Variants in OFD1 observed in about 807,000 individuals in gnomAD.
OFD1 encodes centriole and centriolar satellite protein OFD1.
A neutral mutation model predicts 81.4 loss-of-function variants in OFD1; 12 were observed. That is an observed-to-expected ratio of 0.15 (90% CI 0.09 to 0.24). OFD1 has a LOEUF of 0.24. OFD1 is among the 10% of genes least tolerant of loss of function. OFD1 has a pLI of 1.00. For missense variants in OFD1, 685 were observed against 733.9 expected (o/e 0.93, Z 0.77); for synonymous variants, 256 against 263.7 (o/e 0.97, Z 0.28).
chrX:13,738,942 C>G (rs1569107256), intron 4 of OFD1, 28 bp downstream of exon 4: 2 of 1,176,109 alleles, frequency 1.7e-6, no homozygotes, highest in Admixed American at 2.2e-5. Context: ...CTGTAATCTA[C>G]TTTGGTTTGT....
chrX:13,763,678 A>G (rs1374896949), intron 18 of OFD1, 67 bp from the exon 19 acceptor site: 2 of 898,285 alleles, frequency 2.2e-6, no homozygotes, highest in Non-Finnish European at 3.3e-6. Context: ...TTGCCCCCAC[A>G]CTGCACTGCC....
At chrX:13,726,300 G>A in the OFD1 span, among the ~76,000 whole-genome samples, 737 of 111,285 alleles carry the variant, frequency 6.6e-3, 4 homozygotes, top group African/African-American at 0.023. Flanking sequence ...CCCAAGACAC[G>A]TAATTGTCAG....
rs1019152705 is a variant in OFD1, at chrX:13,758,117, G to T, written c.1543-220G>T. ...ACTGTCTTCTGATTTCTGCCTGCAT[G>T]CCCTAGAGTTCTTTGATATGACTGA... On this transcript the variant is annotated intron_variant, in intron 14 of 22. Transcript: ENST00000340096. Among the ~76,000 whole-genome samples the T allele has an allele frequency of 4.5e-5, 5 of 110,629 alleles. No homozygotes were observed. In the Admixed American group the frequency reaches 4.8e-4, roughly 11 times the overall value.
chrX:13,722,084 G>A, the OFD1 span: 2 of 108,879 alleles, frequency 1.8e-5, no homozygotes, highest in East Asian at 5.7e-4. Flanking sequence ...TGAAGGGAAG[G>A]ACAGGGAGTT....
At chrX:13,746,241 C>G (rs2047291735) in intron 6 of OFD1, 78 bp from the exon 7 acceptor site, 1 of 953,890 alleles carries the variant, frequency 1.0e-6, no homozygotes, top group Non-Finnish European at 1.5e-6. Flanking sequence ...ATCCTCTTTA[C>G]TTTTGAACCA....
rs2046872548 is a variant in OFD1, at chrX:13,736,492, C to T, written c.126C>T (p.Asn42=). The T allele has an allele frequency of 1.7e-6, 2 of 1,210,655 alleles. No homozygotes were observed. Among genetic ancestry groups the T allele is most frequent in the African/African-American group, 1.7e-5 (1 of 57,751 alleles). The change falls in exon 3 of 23, where the codon AAC becomes AAT. Residue 42 remains asparagine (N), a synonymous_variant. Transcript: ENST00000340096. ...TTTTATGCTAGACACAACTTCGAAA[C>T]CAGCTAATTCATGAGTTGATGCACC... ...ILDTLKTQLR[N]QLIHELMHPV...
intron 5 of OFD1, 127 bp from the exon 6 acceptor site, chrX:13,744,288 T>C: frequency 2.2e-6 from 1 of 462,253 alleles, no homozygotes; most frequent in Non-Finnish European, 3.9e-6. Context: ...GCAAGACTTT[T>C]GTCTCTAAAA....
At chrX:13,734,734 C>G, upstream of OFD1, 1 of 1,020,926 alleles carries the variant, frequency 9.8e-7, no homozygotes, top group Non-Finnish European at 1.2e-6. Context: ...TAGCAGGTTT[C>G]CGGAAGTTGC....
At chrX:13,716,123 T>C in the OFD1 span, 1 of 1,156,285 alleles carries the variant, frequency 8.6e-7, no homozygotes, top group Non-Finnish European at 1.2e-6. Context: ...TTCTTAGAAA[T>C]GAAAAACAAA....
At chrX:13,737,461 A>G (rs2046917100) in intron 3 of OFD1, among the ~76,000 whole-genome samples, 1 of 108,811 alleles carries the variant, frequency 9.2e-6, no homozygotes, top group Non-Finnish European at 1.9e-5. Flanking sequence ...GAGAATTCCC[A>G]TATACCTGCT....
chrX:13,751,130 C>T, intron 9 of OFD1, 119 bp from the exon 10 acceptor site: 1 of 640,632 alleles, frequency 1.6e-6, no homozygotes, highest in Non-Finnish European at 2.4e-6. Context: ...CTTCTACTTC[C>T]CAGTAGTGAT....
chrX:13,762,306 A>G lies in OFD1; in HGVS notation c.2388-38A>G, dbSNP rs140196295. The G allele has an allele frequency of 6.3e-4, 581 of 922,900 alleles. 1 individual carries two copies. In the African/African-American group the frequency reaches 9.4e-3, roughly 15 times the overall value. 76.1% of individuals were successfully genotyped at this position (922,900 alleles called of 1,213,427 possible). On this transcript the variant is annotated intron_variant, in intron 17 of 22. Coordinates refer to ENST00000340096, the MANE Select transcript of OFD1 (RefSeq NM_003611.3). Reference sequence around the variant, plus strand: ...GTCACCTTGTACTCTTTGGTTTTCCATTATTGAAACTTCACGAGTTTTATC... The same window carrying G: ...GTCACCTTGTACTCTTTGGTTTTCCGTTATTGAAACTTCACGAGTTTTATC...
At chrX:13,743,435 G>A (rs2047182567) in intron 5 of OFD1, among the ~76,000 whole-genome samples, 1 of 112,287 alleles carries the variant, frequency 8.9e-6, no homozygotes, top group South Asian at 3.7e-4. Flanking sequence ...TATGTGCAGT[G>A]TGCACCCTTT....
In OFD1 at chrX:13,761,077, C is replaced by T. The variant is rs374969350; in HGVS notation, c.2261-8C>T. 2 of 1,209,362 alleles carry T rather than the reference C, an allele frequency of 1.7e-6. No homozygotes were observed. Among genetic ancestry groups the T allele is most frequent in the African/African-American group, 3.5e-5 (2 of 57,084 alleles). On this transcript the variant is annotated splice_polypyrimidine_tract_variant and splice_region_variant and intron_variant, in intron 16 of 22. Coordinates refer to ENST00000340096, the MANE Select transcript of OFD1 (RefSeq NM_003611.3). ...AATATTCTTGCCTTGGTTCTTTCTG[C>T]ACCTTAGGTCTGGGCAGATCACACA...
chrX:13,749,157 A>G (rs1330485432), intron 8 of OFD1, among the ~76,000 whole-genome samples: 1 of 109,043 alleles, frequency 9.2e-6, no homozygotes, highest in Non-Finnish European at 1.9e-5. Context: ...TAGATAAGGG[A>G]CTGAGAGATG....
chrX:13,753,207 G>C, intron 10 of OFD1, 161 bp from the exon 11 acceptor site: 1 of 1,086,940 alleles, frequency 9.2e-7, no homozygotes, highest in Non-Finnish European at 1.2e-6. Context: ...TTTATGTTCA[G>C]GGGTTATATC....
In OFD1 at chrX:13,744,591, C is replaced by T; in HGVS notation, c.517+72C>T. The T allele has an allele frequency of 4.4e-6, 3 of 682,370 alleles. No individual in the cohort carries two copies. In the South Asian group the frequency reaches 6.7e-5, roughly 15 times the overall value. 56.2% of individuals were successfully genotyped at this position (682,370 alleles called of 1,213,427 possible). On this transcript the variant is annotated intron_variant, in intron 6 of 22. Transcript: ENST00000340096. ...TGAATGAAGGAAATTATCTGATTTA[C>T]CATATTGTGTGATTGCTCCTTGAAC...
upstream of OFD1, among the ~76,000 whole-genome samples, chrX:13,733,594 A>G (rs1356459240): frequency 8.9e-6 from 1 of 111,900 alleles, no homozygotes; most frequent in Non-Finnish European, 1.9e-5. Flanking sequence ...TCACAGCCAG[A>G]GATCAAAACT....
chrX:13,772,858 G>C, downstream of OFD1: 1 of 1,202,543 alleles, frequency 8.3e-7, no homozygotes, highest in Non-Finnish European at 1.1e-6. Flanking sequence ...TAAATACGTC[G>C]GCCGAAACAC....
Sources: gnomAD v4.1 joint callset for allele counts (sites outside exome capture counted in the v4.1 genomes callset) on GRCh38, gnomAD v4.1.1 for gene constraint, MANE v1.5 for transcripts, NCBI Gene and HGNC (gene_info 2026-07-23, HGNC 2026-07-21) for gene names.